SLC4A4: variants seen among roughly 807,000 people sequenced by gnomAD.
SLC4A4 encodes the protein solute carrier family 4 member 4.
A neutral mutation model predicts 111.5 loss-of-function variants in SLC4A4; 27 were observed. That is an observed-to-expected ratio of 0.24 (90% CI 0.18 to 0.33). The LOEUF (loss-of-function observed/expected upper bound fraction) is 0.33. Among genes scored for constraint, SLC4A4 ranks in the 10% least tolerant of loss-of-function variants. The pLI, the probability that SLC4A4 is intolerant of heterozygous loss-of-function variation, is 1.00. For synonymous variants in SLC4A4, 443 were observed against 463.4 expected, an observed-to-expected ratio of 0.96 and a Z score of 0.57; for missense variants, 909 against 1,315.5, an observed-to-expected ratio of 0.69 and a Z score of 4.78.
At chr4:71,476,768 T>C (rs1728411407) in intron 14 of SLC4A4, among the ~76,000 whole-genome samples, 1 of 151,746 alleles carries the variant, frequency 6.6e-6, no homozygotes, top group Non-Finnish European at 1.5e-5. Flanking sequence ...ATAGGTTTAC[T>C]GAGCAACTAA....
rs1719890516 is a variant in SLC4A4 at position 71,237,450 on chromosome 4, A to T, written c.73+801A>T. Among the ~76,000 whole-genome samples the T allele has an allele frequency of 2.6e-5, 4 of 152,340 alleles. No homozygotes were observed. In the South Asian group the frequency reaches 8.3e-4, roughly 32 times the overall value. On this transcript the variant is annotated intron_variant, in intron 2 of 25. Transcript: ENST00000264485. Reference sequence around the variant, plus strand: ...GGTTATAGGCAATACTCAAAGTTAAATGAAACTTGCAGGTGAATCATGTGA... The same window carrying T: ...GGTTATAGGCAATACTCAAAGTTAATTGAAACTTGCAGGTGAATCATGTGA...
intron 6 of SLC4A4, among the ~76,000 whole-genome samples, chr4:71,367,293 C>T (rs2148927676): frequency 6.6e-6 from 1 of 152,308 alleles, no homozygotes; most frequent in East Asian, 1.9e-4. Context: ...CCTACATACA[C>T]ATTAGAAGCT....
intron 2 of SLC4A4, among the ~76,000 whole-genome samples, chr4:71,150,501 C>A (rs890669883): frequency 6.6e-5 from 10 of 152,076 alleles, no homozygotes; most frequent in Non-Finnish European, 1.2e-4. Context: ...TTTTAGTCAG[C>A]AGAAGGCAAA....
At chr4:71,084,192 T>C (rs530642236) in intron 1 of SLC4A4, among the ~76,000 whole-genome samples, 8 of 152,206 alleles carry the variant, frequency 5.3e-5, no homozygotes, top group African/African-American at 1.9e-4. Flanking sequence ...AATTGTTCAA[T>C]ATCTTAACAT....
intron 2 of SLC4A4, among the ~76,000 whole-genome samples, chr4:71,102,616 C>T (rs1742787182): frequency 6.6e-6 from 1 of 151,814 alleles, no homozygotes. Flanking sequence ...GGCCAATATT[C>T]AACATTCTTA....
chr4:71,196,310 C>G (rs1292119040), intron 1 of SLC4A4, among the ~76,000 whole-genome samples: 3 of 152,164 alleles, frequency 2.0e-5, no homozygotes, highest in African/African-American at 4.8e-5. Context: ...ACGCAGCTCA[C>G]ACATTTGCAC....
At chr4:71,414,614 G>C (rs929468671) in intron 7 of SLC4A4, among the ~76,000 whole-genome samples, 4 of 152,244 alleles carry the variant, frequency 2.6e-5, no homozygotes, top group African/African-American at 9.6e-5. Flanking sequence ...ACCCCAACTG[G>C]GGTATGTGCA....
chr4:71,105,350 G>A (rs1438123461), intron 2 of SLC4A4, among the ~76,000 whole-genome samples: 1 of 148,978 alleles, frequency 6.7e-6, no homozygotes, highest in Admixed American at 6.7e-5. Flanking sequence ...TACTGCCCAA[G>A]GTAATTTATA....
chr4:71,235,418 A>C (rs1338731806), intron 1 of SLC4A4, among the ~76,000 whole-genome samples: 4 of 152,350 alleles, frequency 2.6e-5, no homozygotes, highest in African/African-American at 9.6e-5. Flanking sequence ...ATGCCTGAGC[A>C]TATAATTGGA....
exon 1 of SLC4A4, among the ~76,000 whole-genome samples, chr4:71,062,708 GT>G (rs1741421012): frequency 6.6e-6 from 1 of 152,160 alleles, no homozygotes; most frequent in Non-Finnish European, 1.5e-5. Flanking sequence ...AGCTTAGAAG[GT>G]AGAAAAGTGG....
chr4:71,454,465 A>C (rs1240459034), intron 12 of SLC4A4, among the ~76,000 whole-genome samples: 5 of 152,158 alleles, frequency 3.3e-5, no homozygotes, highest in Admixed American at 3.3e-4. Context: ...ACCAGATTGA[A>C]GCCCTTTTCA....
At chr4:71,256,006 C>T (rs1472418116) in intron 3 of SLC4A4, among the ~76,000 whole-genome samples, 1 of 152,152 alleles carries the variant, frequency 6.6e-6, no homozygotes, top group Non-Finnish European at 1.5e-5. Flanking sequence ...GGTCAAAGAA[C>T]ACCCTTGAAT....
At chr4:71,386,883 A>G (rs1374835471) in intron 6 of SLC4A4, among the ~76,000 whole-genome samples, 1 of 152,168 alleles carries the variant, frequency 6.6e-6, no homozygotes, top group African/African-American at 2.4e-5. Flanking sequence ...CTTAAAAAAG[A>G]ATATTTGCTT....
intron 16 of SLC4A4, among the ~76,000 whole-genome samples, chr4:71,501,174 C>G (rs1023170787): frequency 6.6e-6 from 1 of 152,040 alleles, no homozygotes. Context: ...CATTCACCTC[C>G]CTGGTTAAAT....
chr4:71,158,470 G>A (rs979449049), intron 2 of SLC4A4, among the ~76,000 whole-genome samples: 1 of 152,114 alleles, frequency 6.6e-6, no homozygotes, highest in Non-Finnish European at 1.5e-5. Flanking sequence ...GCAAGCTATG[G>A]ATTTCAGATG....
At chr4:71,201,956 G>T (rs988090915) in intron 1 of SLC4A4, among the ~76,000 whole-genome samples, 1 of 152,186 alleles carries the variant, frequency 6.6e-6, no homozygotes, top group African/African-American at 2.4e-5. Context: ...CTCCCTCAAA[G>T]TAACTTAGAT....
intron 15 of SLC4A4, among the ~76,000 whole-genome samples, chr4:71,491,870 CA>C (rs1334519737): frequency 6.6e-6 from 1 of 151,572 alleles, no homozygotes; most frequent in Admixed American, 6.6e-5. Context: ...GTTATACATT[CA>C]TTTTGCTTAA....
At chr4:71,279,354 G>A (rs1324170017) in intron 3 of SLC4A4, among the ~76,000 whole-genome samples, 2 of 151,964 alleles carry the variant, frequency 1.3e-5, no homozygotes, top group African/African-American at 4.8e-5. Flanking sequence ...TTGTCTTTGT[G>A]CCTGGCTTAT....
At chr4:71,092,465 T>C (rs1742415283) in intron 1 of SLC4A4, among the ~76,000 whole-genome samples, 2 of 152,208 alleles carry the variant, frequency 1.3e-5, no homozygotes, top group Non-Finnish European at 2.9e-5. Context: ...TAAGGAGATA[T>C]TTGTCGAGAC....
Sources: gnomAD v4.1 joint callset for allele counts (sites outside exome capture counted in the v4.1 genomes callset) on GRCh38, gnomAD v4.1.1 for gene constraint, MANE v1.5 for transcripts, NCBI Gene and HGNC (gene_info 2026-07-23, HGNC 2026-07-21) for gene names.